Variants in FAM178B observed in about 807,000 individuals in gnomAD.
The protein encoded by FAM178B is protein FAM178B.
A neutral mutation model predicts 91.7 loss-of-function variants in FAM178B; 82 were observed. The observed-to-expected ratio is 0.89, with a 90% CI of 0.75 to 1.07. The LOEUF is 1.07. Among genes scored for constraint, FAM178B ranks in the 50% least tolerant of loss-of-function variants. FAM178B has a pLI of 0.00. For missense variants in FAM178B, 769 were observed against 846.7 expected (o/e 0.91, Z 1.14); for synonymous variants, 368 against 359.4 (o/e 1.02, Z -0.27).
chr2:96,929,936 G>A (rs376870652), intron 8 of FAM178B, among the ~76,000 whole-genome samples: 2 of 152,076 alleles, frequency 1.3e-5, no homozygotes, highest in African/African-American at 2.4e-5. Flanking sequence ...CACATCGGCC[G>A]GGCACAGTGG....
chr2:96,972,570 T>G lies in FAM178B; in HGVS notation c.110A>C (p.Gln37Pro), dbSNP rs535097868. The change falls in exon 2 of 17, where the codon CAG becomes CCG. Residue 37 changes from glutamine to proline, a missense_variant. Transcript: ENST00000490605. Reference protein sequence around the residue: ...MSHGLQMAGPQETVLALPLRE... With the variant: ...MSHGLQMAGPPETVLALPLRE... Reference sequence around the variant, plus strand: ...CAGAGGAAGGGCTAGCACCGTCTCCTGGGGCCCAGCCATCTGCAAGCCGTG... The same window carrying G: ...CAGAGGAAGGGCTAGCACCGTCTCCGGGGGCCCAGCCATCTGCAAGCCGTG... 1 of 1,551,692 alleles carries G rather than the reference T, an allele frequency of 6.4e-7. No homozygotes were observed. The highest frequency in any genetic ancestry group is 2.4e-5 in the East Asian group (1 of 40,920).
At chr2:96,925,311 T>G (rs117618514) in intron 9 of FAM178B, among the ~76,000 whole-genome samples, 1 of 152,128 alleles carries the variant, frequency 6.6e-6, no homozygotes, top group Non-Finnish European at 1.5e-5. Context: ...AGTGTGGCTG[T>G]GGGGAGAGCC....
chr2:96,925,153 G>C (rs539004824), intron 9 of FAM178B, among the ~76,000 whole-genome samples: 1 of 152,144 alleles, frequency 6.6e-6, no homozygotes. Context: ...TGCAACACGC[G>C]CAGCCATAGG....
At position 96,913,603 on chromosome 2, in the gene FAM178B, C is replaced by T. The variant is rs954435577; in HGVS notation, c.1562+7562G>A. 4.4e-4 allele frequency among the ~76,000 whole-genome samples: 67 copies of T among 152,328 alleles called. 1 individual carries two copies. The highest frequency in any genetic ancestry group is 3.0e-3 in the Admixed American group (46 of 15,302). ...CCCCAGTGCGCAAGGACCTGACGAG[C>T]GTGAGGCTGCTCTCTCCCTAGCCTG... On this transcript the variant is annotated intron_variant, in intron 12 of 16. Coordinates refer to ENST00000490605, the MANE Select transcript of FAM178B (RefSeq NM_001122646.3).
At chr2:96,881,270 C>CAAAAA (rs1168855038) in intron 14 of FAM178B, among the ~76,000 whole-genome samples, 1 of 64,378 alleles carries the variant, frequency 1.6e-5, no homozygotes, top group Non-Finnish European at 3.5e-5. Flanking sequence ...AAGCTGGTCT[C>CAAAAA]AAAAAAAAAA....
At chr2:96,942,461 C>T (rs936334939) in intron 8 of FAM178B, among the ~76,000 whole-genome samples, 6 of 152,156 alleles carry the variant, frequency 3.9e-5, no homozygotes, top group Admixed American at 1.3e-4. Flanking sequence ...GGTGCGATCT[C>T]GGCTCACTGC....
intron 14 of FAM178B, among the ~76,000 whole-genome samples, chr2:96,884,810 C>A (rs2080476335): frequency 6.6e-6 from 1 of 152,222 alleles, no homozygotes; most frequent in Admixed American, 6.5e-5. Flanking sequence ...AAGAAGGAAG[C>A]AGAGGGCGGT....
At chr2:96,884,039 T>G (rs2080456112) in intron 14 of FAM178B, among the ~76,000 whole-genome samples, 1 of 152,196 alleles carries the variant, frequency 6.6e-6, no homozygotes, top group South Asian at 2.1e-4. Context: ...TGTGCTGGTC[T>G]ACCCTGGGCC....
At chr2:96,889,003 A>G (rs765970046) in intron 14 of FAM178B, among the ~76,000 whole-genome samples, 1 of 152,206 alleles carries the variant, frequency 6.6e-6, no homozygotes, top group Non-Finnish European at 1.5e-5. Flanking sequence ...CACCTCGAGA[A>G]AGCTGACTAG....
intron 13 of FAM178B, among the ~76,000 whole-genome samples, chr2:96,901,953 A>G: frequency 6.6e-6 from 1 of 152,138 alleles, no homozygotes; most frequent in Non-Finnish European, 1.5e-5. Flanking sequence ...GCCCGCCACC[A>G]TGCCCAGCTA....
chr2:96,878,980 C>T (rs928861685), intron 14 of FAM178B, among the ~76,000 whole-genome samples: 11 of 152,220 alleles, frequency 7.2e-5, no homozygotes, highest in Non-Finnish European at 1.5e-4. Context: ...AGCGTCTGCA[C>T]ATCTCGCCTC....
chr2:96,961,096 G>A (rs2082074563), intron 5 of FAM178B, among the ~76,000 whole-genome samples: 2 of 152,156 alleles, frequency 1.3e-5, no homozygotes, highest in Non-Finnish European at 2.9e-5. Flanking sequence ...TTAGTGGATG[G>A]GAGCTGGCCC....
chr2:96,937,393 A>G, intron 8 of FAM178B, among the ~76,000 whole-genome samples: 2 of 152,086 alleles, frequency 1.3e-5, no homozygotes. Context: ...GCTCCGGAGC[A>G]TTACTCAGGG....
Position 96,877,911 on chromosome 2 carries a change from C to T in FAM178B, c.1986G>A (p.Leu662=), listed in dbSNP as rs145449934. The T allele has an allele frequency of 8.1e-6, 13 of 1,613,454 alleles. No homozygotes were observed. Among genetic ancestry groups the T allele is most frequent in the Non-Finnish European group, 1.1e-5 (13 of 1,179,990 alleles). Residue 662 remains leucine (L), a synonymous_variant, in exon 16 of 17, where the codon CTG becomes CTA. Coordinates refer to ENST00000490605, the MANE Select transcript of FAM178B (RefSeq NM_001122646.3). ...CCACCTGGGGCTGGCAGTGGGTCAGCAGCTCCTGCCAACGGATGTAGGTCT... is the reference window on the plus strand; with the variant it reads ...CCACCTGGGGCTGGCAGTGGGTCAGTAGCTCCTGCCAACGGATGTAGGTCT... ...ATQTYIRWQE[L]LTHCQPQAQY...
intron 7 of FAM178B, 25 bp downstream of exon 7, chr2:96,951,354 C>T (rs1321270850): frequency 1.3e-6 from 2 of 1,510,256 alleles, no homozygotes; most frequent in African/African-American, 1.4e-5. Flanking sequence ...CTCCCGCCAC[C>T]TAGTGGCAGG....
In FAM178B at chr2:96,947,909, G is replaced by GA; in HGVS notation, c.994-8_994-7insT. Reference sequence around the variant, plus strand: ...CTGGAGGCCATGTCAGCAGCTAGGTGGAAAAAAAAAACAAAAACAAAAACC... The same window carrying GA: ...CTGGAGGCCATGTCAGCAGCTAGGTGAGAAAAAAAAAACAAAAACAAAAACC... On this transcript the variant is annotated splice_region_variant and splice_polypyrimidine_tract_variant and intron_variant, in intron 7 of 16. Coordinates refer to ENST00000490605, the MANE Select transcript of FAM178B (RefSeq NM_001122646.3). 1.3e-6 allele frequency: 2 copies of GA among 1,508,040 alleles called. No individual in the cohort carries two copies. Among genetic ancestry groups the GA allele is most frequent in the Admixed American group, 2.1e-5 (1 of 47,304 alleles). 93.4% of individuals were successfully genotyped at this position (1,508,040 alleles called of 1,614,324 possible).
Position 96,986,356 on chromosome 2 carries a change from G to A in FAM178B, c.-43C>T. ...GCTCCGGGGTGAGGGAGGGTGGCGG[G>A]AATTCGCACGGCCTCAGAGGACGGG... On this transcript the variant is annotated 5_prime_UTR_variant, in exon 1 of 17. Coordinates refer to ENST00000490605, the MANE Select transcript of FAM178B (RefSeq NM_001122646.3). 6.6e-7 allele frequency: 1 copy of A among 1,526,656 alleles called. No individual in the cohort carries two copies. Among genetic ancestry groups the A allele is most frequent in the Non-Finnish European group, 8.7e-7 (1 of 1,143,754 alleles). 94.6% of individuals were successfully genotyped at this position (1,526,656 alleles called of 1,614,324 possible). A position where few individuals can be genotyped will look rare whatever the true frequency, so the allele number is the denominator to read the frequency against.
At chr2:96,918,127 C>A (rs2081272470) in intron 12 of FAM178B, among the ~76,000 whole-genome samples, 1 of 148,204 alleles carries the variant, frequency 6.7e-6, no homozygotes, top group Non-Finnish European at 1.5e-5. Context: ...ATAAAACTGT[C>A]CTGTAAATCT....
At chr2:96,890,431 T>G (rs1401966040) in intron 14 of FAM178B, among the ~76,000 whole-genome samples, 1 of 152,134 alleles carries the variant, frequency 6.6e-6, no homozygotes, top group African/African-American at 2.4e-5. Context: ...GCCACTGCAT[T>G]CCAGCCTGAG....
Sources: allele counts gnomAD v4.1 joint callset (sites outside exome capture counted in the v4.1 genomes callset), GRCh38; gene constraint gnomAD v4.1.1; transcripts MANE v1.5; gene names NCBI Gene and HGNC (gene_info 2026-07-23, HGNC 2026-07-21).